TTN: variants seen among roughly 807,000 people sequenced by gnomAD.
TTN encodes connectin.
Under a neutral mutation model 3,223.0 loss-of-function variants are expected in TTN, and 1,525 were observed. The observed-to-expected ratio is 0.47, with a 90% confidence interval of 0.45 to 0.49. The LOEUF (loss-of-function observed/expected upper bound fraction) is 0.49, where lower values mean the gene tolerates loss of function less well. TTN is among the 20% of genes least tolerant of loss of function. TTN has a pLI of 0.00. For synonymous variants in TTN, 14,094 were observed against 15,161.0 expected (o/e 0.93, Z 5.17); for missense variants, 40,786 against 43,424.0 (o/e 0.94, Z 5.40).
At position 178,651,303 on chromosome 2, in the gene TTN, C is replaced by G; in HGVS notation, c.39565G>C (p.Glu13189Gln). 1.2e-6 allele frequency: 2 copies of G among 1,613,134 alleles called. No individual in the cohort carries two copies. The highest frequency in any genetic ancestry group is 1.7e-6 in the Non-Finnish European group (2 of 1,179,420). ...PPAKVPEVPK[E>Q]VVPEKKVAVP... ...GCTACTTTCTTTTCTGGAACAACTT[C>G]TTTTGGAACTTCAGGCACTTCAAAT... is the stretch of plus-strand genomic sequence containing the variant. The change falls in exon 208 of 363, where the codon GAA (glutamate) becomes CAA (glutamine). Residue 13189 changes from glutamate to glutamine, a missense_variant. By Grantham distance (29) the Glu-to-Gln change is conservative. Coordinates refer to ENST00000589042, the MANE Select transcript of TTN (RefSeq NM_001267550.2).
chr2:178,712,727 C>A lies in TTN; in HGVS notation c.27298G>T (p.Ala9100Ser), dbSNP rs746094812. 24 of 1,613,586 alleles carry A rather than the reference C, an allele frequency of 1.5e-5. No individual in the cohort carries two copies. The South Asian group carries it at 2.6e-4, about 18-fold the overall frequency. ...TCIVSNEAGK[A>S]SCTTHLYIKA... ...ATGTAGAGATGTGTTGTACAAGAAG[C>A]CTTGCCAGCTTCATTGCTAACTATG... The change falls in exon 94 of 363, where the codon GCT becomes TCT. Residue 9100 changes from alanine to serine, a missense_variant. Coordinates refer to ENST00000589042, the MANE Select transcript of TTN (RefSeq NM_001267550.2).
At chr2:178,542,045 A>AAGAT (rs1694822085) in intron 349 of TTN, 1 of 444,396 alleles carries the variant, frequency 2.3e-6, no homozygotes. Flanking sequence ...CATAAGAGTG[A>AAGAT]AGATATTAAA....
chr2:178,681,374 A>T lies in TTN; in HGVS notation c.33247+2T>A, dbSNP rs878883920. On this transcript the variant is annotated splice_donor_variant, in intron 137 of 362. Transcript: ENST00000589042. LOFTEE classifies it high-confidence loss of function. Reference sequence around the variant, plus strand: ...TTTGGTGATTATTACTCAGTAATGTACCTTTGGGTGGTGGAGGTTTGAGTT... The same window carrying T: ...TTTGGTGATTATTACTCAGTAATGTTCCTTTGGGTGGTGGAGGTTTGAGTT... 8.7e-6 allele frequency: 14 copies of T among 1,610,794 alleles called. No homozygotes were observed. The highest frequency in any genetic ancestry group is 1.2e-5 in the Non-Finnish European group (14 of 1,177,840).
rs1709538154 is a variant in TTN at position 178,574,974 on chromosome 2, T to A, written c.71158A>T (p.Thr23720Ser). The A allele has an allele frequency of 6.2e-7, 1 of 1,613,250 alleles. No individual in the cohort carries two copies. Among genetic ancestry groups the A allele is most frequent in the African/African-American group, 1.3e-5 (1 of 75,026 alleles). ...NIVGEVGDVI[T>S]IQVHDIPGPP... ...CCTGGGATATCATGGACTTGAATGG[T>A]GATGACATCACCAACCTCTCCTACA... Residue 23720 changes from threonine (T) to serine (S), a missense_variant, in exon 326 of 363, where the codon ACC (threonine) becomes TCC (serine). Transcript: ENST00000589042.
At chr2:178,559,121 TTC>T (rs1702649398) in intron 326 of TTN, among the ~76,000 whole-genome samples, 188 bp downstream of exon 326, 3 of 151,970 alleles carry the variant, frequency 2.0e-5, no homozygotes, top group Admixed American at 1.3e-4. Flanking sequence ...CTACGTAAAT[TTC>T]TGTTTTTTTA....
At chr2:178,750,438 G>T in intron 47 of TTN, 1 of 1,612,498 alleles carries the variant, frequency 6.2e-7, no homozygotes, top group South Asian at 1.1e-5. Flanking sequence ...ATAAAGTTTT[G>T]ATTACGTGGG....
At chr2:178,719,917 T>C in intron 81 of TTN, 66 bp downstream of exon 81, 2 of 1,543,486 alleles carry the variant, frequency 1.3e-6, no homozygotes, top group South Asian at 1.3e-5. Context: ...ATAAGAGGAA[T>C]ATTTGAGGAA....
At position 178,773,276 on chromosome 2, in the gene TTN, A is replaced by T. The variant is rs775758080; in HGVS notation, c.7688T>A (p.Val2563Asp). 2 of 1,613,998 alleles carry T rather than the reference A, an allele frequency of 1.2e-6. No individual in the cohort carries two copies. Among genetic ancestry groups the T allele is most frequent in the Admixed American group, 3.3e-5 (2 of 59,988 alleles). ...EVELSHSGID[V>D]LWNFKDKEIK... ...TTCCTTGTCCTTAAAATTCCACAGG[A>T]CATCAATTCCAGAGTGGGACAGCTC... The change falls in exon 33 of 363, where the codon GTC becomes GAC. Residue 2563 changes from valine to aspartate, a missense_variant. Transcript: ENST00000589042.
At position 178,774,054 on chromosome 2, in the gene TTN, T is replaced by C. The variant is rs117777236; in HGVS notation, c.7114A>G (p.Ile2372Val). 6.2e-7 allele frequency: 1 copy of C among 1,614,082 alleles called. No individual in the cohort carries two copies. The highest frequency in any genetic ancestry group is 2.2e-5 in the East Asian group (1 of 44,876). The change falls in exon 31 of 363, where the codon ATT (isoleucine) becomes GTT (valine). Residue 2372 changes from isoleucine (I) to valine (V), a missense_variant. Physicochemically the swap from Ile to Val is conservative, Grantham distance 29 (BLOSUM62 3). Transcript: ENST00000589042. ...GAGACTTTAACTTCAAGCTGAACAA[T>C]GTCACCCTCACAGACTTTTTGGTCA... ...LSDQKVCEGDIVQLEVKVSLE... is the reference protein window; with the variant it reads ...LSDQKVCEGDVVQLEVKVSLE...
At chr2:178,746,745 T>G in intron 47 of TTN, 2 of 1,613,460 alleles carry the variant, frequency 1.2e-6, no homozygotes. Flanking sequence ...AAAGATTTAT[T>G]TCGATACCAT....
intron 43 of TTN, 131 bp from the exon 44 acceptor site, chr2:178,759,303 C>T (rs2088298785): frequency 1.2e-6 from 1 of 861,282 alleles, no homozygotes; most frequent in South Asian, 1.5e-5. Context: ...ATACTTTTCT[C>T]TGGGCATGCC....
At position 178,634,224 on chromosome 2, in the gene TTN, A is replaced by T; in HGVS notation, c.42416-141T>A. On this transcript the variant is annotated intron_variant, in intron 230 of 362. Coordinates refer to ENST00000589042, the MANE Select transcript of TTN (RefSeq NM_001267550.2). This position sits in a 1 kb window ranked among gnomAD's most constrained non-coding sequence, Gnocchi z 4.6. Reference sequence around the variant, plus strand: ...TCCAAATAGAGCTCCACTAAAAACAAATTAAGGGGGGTTGTTTTGGTAACA... The same window carrying T: ...TCCAAATAGAGCTCCACTAAAAACATATTAAGGGGGGTTGTTTTGGTAACA... The T allele has an allele frequency of 6.7e-7, 1 of 1,483,106 alleles. No homozygotes were observed. The highest frequency in any genetic ancestry group is 8.9e-7 in the Non-Finnish European group (1 of 1,119,152). The allele number at this position is 1,483,106 out of a possible 1,614,324, so 91.9% of individuals were successfully genotyped here. A position where few individuals can be genotyped will look rare whatever the true frequency, so the allele number is the denominator to read the frequency against.
intron 234 of TTN, 42 bp downstream of exon 234, chr2:178,632,876 T>G (rs1193314948): frequency 6.2e-7 from 1 of 1,611,474 alleles, no homozygotes; most frequent in Non-Finnish European, 8.5e-7. Context: ...CAGGAAGTCT[T>G]GCAGAGAAAA....
rs1370815489 is a variant in TTN, at chr2:178,739,958, C to T, written c.13275G>A (p.Val4425=). Residue 4425 remains valine, a synonymous_variant, in exon 48 of 363, where the codon GTG becomes GTA. Coordinates refer to ENST00000589042, the MANE Select transcript of TTN (RefSeq NM_001267550.2). ...FSEWLRNIEK[V]EVEAVNITQE... is the part of the protein sequence containing the mutation. ...GGGTGATGTTTACAGCCTCGACCTC[C>T]ACCTTTTCAATATTTCTTAGCCACT... 1.9e-6 allele frequency: 3 copies of T among 1,613,764 alleles called. No homozygotes were observed. Among genetic ancestry groups the T allele is most frequent in the African/African-American group, 2.7e-5 (2 of 74,922 alleles).
chr2:178,749,542 A>C (rs1190740887), intron 47 of TTN: 1 of 1,612,814 alleles, frequency 6.2e-7, no homozygotes, highest in Non-Finnish European at 8.5e-7. Context: ...GATAATCATA[A>C]AAATGTGCCC....
Position 178,573,690 on chromosome 2 carries a change from G to A in TTN, c.72442C>T (p.Leu24148=), listed in dbSNP as rs1242578089. 2.6e-6 allele frequency: 4 copies of A among 1,523,396 alleles called. No individual in the cohort carries two copies. The highest frequency in any genetic ancestry group is 3.5e-6 in the Non-Finnish European group (4 of 1,137,100). The allele number at this position is 1,523,396 out of a possible 1,614,324, so 94.4% of individuals were successfully genotyped here. A position where few individuals can be genotyped will look rare whatever the true frequency, so the allele number is the denominator to read the frequency against. ...EKCVLSWFPP[L]DDGGAKIDHY... ...TCAATTTTGGCACCTCCATCATCCA[G>A]TGGAGGGAACCATGATAGTACACAC... The change falls in exon 326 of 363, where the codon CTG becomes TTG. Residue 24148 remains leucine, a synonymous_variant. Transcript: ENST00000589042.
rs1428136058 is a variant in TTN at position 178,561,050 on chromosome 2, A to G, written c.85082T>C (p.Val28361Ala). ...DVEPPRVMMD[V>A]KFRDVIVVKA... is the part of the protein sequence containing the mutation. ...GACAACAATAACGTCTCGGAACTTG[A>G]CATCCATCATAACTCTTGGAGGCTC... The change falls in exon 326 of 363, where the codon GTC becomes GCC. Residue 28361 changes from valine to alanine, a missense_variant. Coordinates refer to ENST00000589042, the MANE Select transcript of TTN (RefSeq NM_001267550.2). 1.9e-6 allele frequency: 3 copies of G among 1,613,902 alleles called. No homozygotes were observed. The highest frequency in any genetic ancestry group is 8.5e-7 in the Non-Finnish European group (1 of 1,179,824).
intron 240 of TTN, among the ~76,000 whole-genome samples, chr2:178,627,708 C>T (rs762304081): frequency 1.3e-4 from 20 of 151,972 alleles, no homozygotes; most frequent in Non-Finnish European, 2.2e-4. Flanking sequence ...TAGGAGTCTA[C>T]ATTTGAATTA....
chr2:178,766,405 T>A lies in TTN; in HGVS notation c.9679A>T (p.Ser3227Cys), dbSNP rs886042755. 24 of 1,613,720 alleles carry A rather than the reference T, an allele frequency of 1.5e-5. No individual in the cohort carries two copies. The highest frequency in any genetic ancestry group is 1.9e-5 in the Non-Finnish European group (23 of 1,179,772). ...CCATTGACATAGAGAGTGACAGAAC[T>A]CCTGTTCCTTCCTGCCACAAAGGTG... ...EYTFVAGRNR[S>C]SVTLYVNAPE... Residue 3227 changes from serine to cysteine, a missense_variant, in exon 41 of 363, where the codon AGT becomes TGT. Ser to Cys is a moderately radical substitution (Grantham distance 112). Transcript: ENST00000589042.
Sources: allele counts gnomAD v4.1 joint callset (sites outside exome capture counted in the v4.1 genomes callset), GRCh38; gene constraint gnomAD v4.1.1; non-coding constraint Gnocchi (gnomAD v3.1); transcripts MANE v1.5; gene names NCBI Gene and HGNC (gene_info 2026-07-23, HGNC 2026-07-21).